The following TOX4 variants were observed in gnomAD, a reference collection of about 807,000 sequenced individuals.
TOX4 encodes the protein TOX high mobility group box family member 4, also known as epidermal Langerhans cell protein LCP1.
TOX4 carries 12 observed loss-of-function variants against 61.0 expected under a neutral mutation model. The ratio of observed to expected loss-of-function variants is 0.20; its 90% CI spans 0.13 to 0.32. The LOEUF (loss-of-function observed/expected upper bound fraction) is 0.32. Ranked by LOEUF, TOX4 falls within the 10% of genes least tolerant of loss-of-function variation. The pLI, the probability that TOX4 is intolerant of heterozygous loss-of-function variation, is 1.00. For synonymous variants in TOX4, 268 were observed against 274.8 expected, an observed-to-expected ratio of 0.98 and a Z score of 0.24; for missense variants, 499 against 753.3, an observed-to-expected ratio of 0.66 and a Z score of 3.95.
intron 2 of TOX4, among the ~76,000 whole-genome samples, chr14:21,480,939 A>C (rs1891096285): frequency 6.6e-6 from 1 of 151,892 alleles, no homozygotes; most frequent in Non-Finnish European, 1.5e-5. Context: ...AAAAATACAA[A>C]ATTAGCCGGG....
At chr14:21,496,400 A>G (rs1240375787) in intron 8 of TOX4, 146 bp from the exon 9 acceptor site, 1 of 592,628 alleles carries the variant, frequency 1.7e-6, no homozygotes, top group Non-Finnish European at 2.9e-6. Flanking sequence ...GGTGGTGGGC[A>G]CCTGTAGTCC....
chr14:21,487,818 C>T (rs1891214511), intron 3 of TOX4, 125 bp downstream of exon 3: 1 of 1,106,418 alleles, frequency 9.0e-7, no homozygotes, highest in African/African-American at 1.6e-5. Flanking sequence ...TAAAGGCTCA[C>T]CAACAAAGAC....
rs1891176738 is a variant in TOX4, at chr14:21,485,319, G to A, written c.76-2132G>A. Among the ~76,000 whole-genome samples the A allele has an allele frequency of 1.9e-5, 2 of 106,352 alleles. 1 individual carries two copies. Among genetic ancestry groups the A allele is most frequent in the African/African-American group, 7.1e-5 (2 of 28,180 alleles). The allele number at this position is 106,352 out of a possible 152,430, so 69.8% of individuals were successfully genotyped here. ...AATCCCAGCTACTAGGGAGGCTGAG[G>A]CAGGAGAATCACTTGAACCTGGGAG... On this transcript the variant is annotated intron_variant, in intron 2 of 8. Transcript: ENST00000448790.
At chr14:21,481,054 C>T (rs1354176474) in intron 2 of TOX4, among the ~76,000 whole-genome samples, 1 of 152,160 alleles carries the variant, frequency 6.6e-6, no homozygotes, top group Non-Finnish European at 1.5e-5. Flanking sequence ...TGTACCATTG[C>T]ACTCCAGCCT....
chr14:21,491,554 C>T (rs1459405708), intron 5 of TOX4, among the ~76,000 whole-genome samples: 2 of 150,804 alleles, frequency 1.3e-5, no homozygotes, highest in African/African-American at 4.9e-5. Flanking sequence ...TAGTAGAGAT[C>T]GGGTTTCACC....
At chr14:21,493,352 T>C in intron 7 of TOX4, 95 bp downstream of exon 7, 1 of 1,404,576 alleles carries the variant, frequency 7.1e-7, no homozygotes, top group Non-Finnish European at 9.6e-7. Context: ...TAGCATTTAA[T>C]GCCCAGCAAC....
chr14:21,486,407 G>A (rs1185997577), intron 2 of TOX4, among the ~76,000 whole-genome samples: 1 of 47,996 alleles, frequency 2.1e-5, no homozygotes, highest in African/African-American at 8.0e-5. Context: ...TAATGATGGT[G>A]ATTAAGCCAT....
chr14:21,498,475 T>C lies in TOX4; in HGVS notation c.*1869T>C. 9.7e-7 allele frequency: 1 copy of C among 1,026,086 alleles called. No homozygotes were observed. The highest frequency in any genetic ancestry group is 1.5e-6 in the Non-Finnish European group (1 of 683,460). The allele number at this position is 1,026,086 out of a possible 1,614,324, so 63.6% of individuals were successfully genotyped here. On this transcript the variant is annotated 3_prime_UTR_variant, in exon 9 of 9. Transcript: ENST00000448790. ...GAAGACTGCCTATCATCATATCAAA[T>C]ATGCCAATTCTAAAAAGAGCTTAAC...
At chr14:21,488,536 G>A in intron 3 of TOX4, 54 bp from the exon 4 acceptor site, 3 of 1,560,498 alleles carry the variant, frequency 1.9e-6, no homozygotes, top group East Asian at 2.3e-5. Flanking sequence ...ATTTAGGGGG[G>A]AAAAGTGGTT....
At chr14:21,481,959 G>A (rs1891114885) in intron 2 of TOX4, among the ~76,000 whole-genome samples, 1 of 152,164 alleles carries the variant, frequency 6.6e-6, no homozygotes, top group South Asian at 2.1e-4. Flanking sequence ...CTGCATCTTT[G>A]ATCTGGATAG....
Sources: allele counts gnomAD v4.1 joint callset (sites outside exome capture counted in the v4.1 genomes callset), GRCh38; gene constraint gnomAD v4.1.1; transcripts MANE v1.5; gene names NCBI Gene and HGNC (gene_info 2026-07-23, HGNC 2026-07-21).